The following RGS9 variants were observed in gnomAD, a reference collection of about 807,000 sequenced individuals.
RGS9 encodes regulator of G protein signaling 9.
Under a neutral mutation model 102.0 loss-of-function variants are expected in RGS9, and 78 were observed. The ratio of observed to expected loss-of-function variants is 0.76; its 90% CI spans 0.64 to 0.92. The LOEUF (loss-of-function observed/expected upper bound fraction) is 0.92, where lower values mean the gene tolerates loss of function less well. RGS9 is among the 40% of genes least tolerant of loss of function. The probability of loss-of-function intolerance (pLI) is 0.00; values close to 1 mark genes in which losing one functional copy is unlikely to be tolerated. For missense variants in RGS9, 833 were observed against 866.1 expected, an observed-to-expected ratio of 0.96 and a Z score of 0.48; for synonymous variants, 353 against 318.6, an observed-to-expected ratio of 1.11 and a Z score of -1.15.
At chr17:65,154,977 GA>G (rs1910714304) in intron 2 of RGS9, among the ~76,000 whole-genome samples, 1 of 152,294 alleles carries the variant, frequency 6.6e-6, no homozygotes, top group Non-Finnish European at 1.5e-5. Context: ...CTGCTTAGAA[GA>G]AAGGATGCCC....
At chr17:65,185,828 C>T (rs1470528164) in intron 9 of RGS9, among the ~76,000 whole-genome samples, 1 of 152,164 alleles carries the variant, frequency 6.6e-6, no homozygotes, top group Non-Finnish European at 1.5e-5. Context: ...GTATAGTAAG[C>T]CAAAGGGAGA....
Position 65,153,629 on chromosome 17 carries a change from C to T in RGS9, c.154+111C>T, listed in dbSNP as rs189616353. 1,200 of 846,990 alleles carry T rather than the reference C, an allele frequency of 1.4e-3. 5 individuals are homozygous for T. The African/African-American group carries it at 0.017, about 12-fold the overall frequency. 52.5% of individuals were successfully genotyped at this position (846,990 alleles called of 1,614,324 possible). The stretch of plus-strand genomic sequence containing the variant: ...ATTTTTGGCCAGGTGCAGTGGCTCA[C>T]GCCTGTAATCCCAGCACTTTGGGAG... On this transcript the variant is annotated intron_variant, in intron 2 of 18. Coordinates refer to ENST00000262406, the MANE Select transcript of RGS9 (RefSeq NM_003835.4).
chr17:65,162,428 T>C (rs779890746), intron 6 of RGS9, among the ~76,000 whole-genome samples: 2 of 152,146 alleles, frequency 1.3e-5, no homozygotes, highest in Non-Finnish European at 2.9e-5. Flanking sequence ...TGATGCTCTC[T>C]TCCTAATCAG....
intron 7 of RGS9, among the ~76,000 whole-genome samples, chr17:65,165,786 C>A (rs937909170): frequency 6.6e-6 from 1 of 152,138 alleles, no homozygotes; most frequent in Non-Finnish European, 1.5e-5. Context: ...CTCTAGCTAT[C>A]GGGGAGAACA....
At chr17:65,152,602 T>C (rs1473754610) in intron 1 of RGS9, among the ~76,000 whole-genome samples, 1 of 152,140 alleles carries the variant, frequency 6.6e-6, no homozygotes, top group Non-Finnish European at 1.5e-5. Context: ...CGATCATAGC[T>C]CACTGTAGCC....
Position 65,227,323 on chromosome 17 carries a change from G to A in RGS9, c.1941G>A (p.Leu647=), listed in dbSNP as rs1905736834. 6.2e-7 allele frequency: 1 copy of A among 1,614,196 alleles called. No individual in the cohort carries two copies. The highest frequency in any genetic ancestry group is 2.2e-5 in the East Asian group (1 of 44,872). ...TGCCCACGGGGAGCGGGACCTGCTT[G>A]ATGGACTCGGAGGATGCTGGAACAG... ...MDVPTGSGTC[L]MDSEDAGTGE... is the part of the protein sequence containing the mutation. Residue 647 remains leucine, a synonymous_variant, in exon 19 of 19, where the codon TTG becomes TTA. Coordinates refer to ENST00000262406, the MANE Select transcript of RGS9 (RefSeq NM_003835.4).
rs1567893271 is a variant in RGS9, at chr17:65,215,496, CG to C, written c.1407+4892del. Among the ~76,000 whole-genome samples, 450 of 109,990 alleles carry C rather than the reference CG, an allele frequency of 4.1e-3. 5 individuals are homozygous for C. The highest frequency in any genetic ancestry group is 0.021 in the African/African-American group (438 of 20,416). 72.2% of individuals were successfully genotyped at this position (109,990 alleles called of 152,430 possible). ...TTTCTCTATCTTTCTTTCGTTCTTT[CG>C]TTCTTTCTTTCTTTCTTTCTTTCTT... On this transcript the variant is annotated intron_variant, in intron 17 of 18. Transcript: ENST00000262406.
intron 17 of RGS9, among the ~76,000 whole-genome samples, chr17:65,217,778 G>A (rs1162159716): frequency 6.6e-6 from 1 of 152,098 alleles, no homozygotes; most frequent in East Asian, 1.9e-4. Flanking sequence ...AAAAATTGGA[G>A]GGGATCAGAC....
rs1479268031 is a variant in RGS9, at chr17:65,183,101, T to TATCTATCTATCCATCC, written c.654+5307_654+5308insTCCATCCATCTATCTA. On this transcript the variant is annotated intron_variant, in intron 9 of 18. Coordinates refer to ENST00000262406, the MANE Select transcript of RGS9 (RefSeq NM_003835.4). ...CTATCTATCTATCTATCTATCTATC[T>TATCTATCTATCCATCC]ATCTATCTACCTACCTACCTACATA... is the stretch of plus-strand genomic sequence containing the variant. Among the ~76,000 whole-genome samples, 158 of 149,316 alleles carry TATCTATCTATCCATCC rather than the reference T, an allele frequency of 1.1e-3. 1 individual carries two copies. Among genetic ancestry groups the TATCTATCTATCCATCC allele is most frequent in the African/African-American group, 3.7e-3 (148 of 39,592 alleles).
At chr17:65,219,720 A>G (rs16961446) in intron 17 of RGS9, among the ~76,000 whole-genome samples, 4,312 of 152,278 alleles carry the variant, frequency 0.028, 207 homozygotes, top group African/African-American at 0.097. Flanking sequence ...AAATATGAGT[A>G]AAGACCTAAG....
In RGS9 at chr17:65,183,110, A is replaced by AT. The variant is rs3971816; in HGVS notation, c.654+5307_654+5308insT. Among the ~76,000 whole-genome samples the AT allele has an allele frequency of 7.4e-3, 1,050 of 141,158 alleles. 10 individuals carry two copies. Among genetic ancestry groups the AT allele is most frequent in the East Asian group, 0.056 (186 of 3,322 alleles). The allele number at this position is 141,158 out of a possible 152,430, so 92.6% of individuals were successfully genotyped here. ...TATCTATCTATCTATCTATCTATCTACCTACCTACCTACATACCTATCTAT... is the reference window on the plus strand; with the variant it reads ...TATCTATCTATCTATCTATCTATCTATCCTACCTACCTACATACCTATCTAT... On this transcript the variant is annotated intron_variant, in intron 9 of 18. Coordinates refer to ENST00000262406, the MANE Select transcript of RGS9 (RefSeq NM_003835.4).
At chr17:65,144,076 G>T (rs550329331) in intron 1 of RGS9, among the ~76,000 whole-genome samples, 1 of 152,302 alleles carries the variant, frequency 6.6e-6, no homozygotes, top group African/African-American at 2.4e-5. Flanking sequence ...ACTGGTTAGG[G>T]CATGGTGCCT....
chr17:65,202,614 C>T (rs2144093563), intron 14 of RGS9, among the ~76,000 whole-genome samples: 1 of 152,256 alleles, frequency 6.6e-6, no homozygotes, highest in South Asian at 2.1e-4. Context: ...GGGCACATCT[C>T]ATTCCTGACA....
chr17:65,142,438 G>T (rs1029809258), intron 1 of RGS9, among the ~76,000 whole-genome samples: 3 of 152,168 alleles, frequency 2.0e-5, no homozygotes, highest in Non-Finnish European at 4.4e-5. Flanking sequence ...GAGAGGGAAT[G>T]AGTAATTCTC....
At chr17:65,184,509 T>A (rs1293710985) in intron 9 of RGS9, among the ~76,000 whole-genome samples, 1 of 152,142 alleles carries the variant, frequency 6.6e-6, no homozygotes, top group African/African-American at 2.4e-5. Context: ...TATTATCGCA[T>A]TTAGTCCCTC....
intron 14 of RGS9, 41 bp from the exon 15 acceptor site, chr17:65,204,122 T>C: frequency 6.2e-7 from 1 of 1,611,384 alleles, no homozygotes; most frequent in Admixed American, 1.7e-5. Context: ...ATGAATTGAC[T>C]TGGTTTAGTT....
chr17:65,168,069 A>G, intron 7 of RGS9, 131 bp from the exon 8 acceptor site: 1 of 680,970 alleles, frequency 1.5e-6, no homozygotes, highest in Non-Finnish European at 2.7e-6. Context: ...TGCTGTGTTC[A>G]TTACTATTAC....
At chr17:65,216,776 A>T (rs1015663457) in intron 17 of RGS9, among the ~76,000 whole-genome samples, 2 of 152,206 alleles carry the variant, frequency 1.3e-5, no homozygotes, top group Non-Finnish European at 2.9e-5. Context: ...ACTGAATAAG[A>T]TCATCAAGTC....
chr17:65,223,856 T>G (rs549409214), intron 17 of RGS9, among the ~76,000 whole-genome samples: 2 of 151,676 alleles, frequency 1.3e-5, no homozygotes, highest in South Asian at 4.2e-4. Flanking sequence ...GTTCAAGTGA[T>G]CCTCCTGCCT....
Sources: allele counts gnomAD v4.1 joint callset (sites outside exome capture counted in the v4.1 genomes callset), GRCh38; gene constraint gnomAD v4.1.1; transcripts MANE v1.5; gene names NCBI Gene and HGNC (gene_info 2026-07-23, HGNC 2026-07-21).